Variants in ATG7 observed in about 807,000 individuals in gnomAD.
ATG7 encodes autophagy related 7.
ATG7 carries 70 observed loss-of-function variants against 82.4 expected under a neutral mutation model. The observed-to-expected ratio is 0.85, with a 90% CI of 0.70 to 1.04. ATG7 has a LOEUF of 1.04. Ranked by LOEUF, ATG7 falls within the 50% of genes least tolerant of loss-of-function variation. The pLI is 0.00. For missense variants in ATG7, 792 were observed against 864.3 expected, an observed-to-expected ratio of 0.92 and a Z score of 1.05; for synonymous variants, 287 against 313.0, an observed-to-expected ratio of 0.92 and a Z score of 0.88.
intron 19 of ATG7, among the ~76,000 whole-genome samples, chr3:11,413,330 C>G (rs775854282): frequency 6.6e-6 from 1 of 151,928 alleles, no homozygotes; most frequent in Non-Finnish European, 1.5e-5. Flanking sequence ...TATGTTGAGG[C>G]AGTTTCCTTC....
intron 20 of ATG7, among the ~76,000 whole-genome samples, chr3:11,504,954 C>G (rs1012068426): frequency 6.6e-6 from 1 of 152,072 alleles, no homozygotes; most frequent in Non-Finnish European, 1.5e-5. Context: ...AGAGCCAAAT[C>G]CTCATTTACC....
At chr3:11,533,803 C>CAA (rs1559809050) in intron 20 of ATG7, among the ~76,000 whole-genome samples, 2 of 151,950 alleles carry the variant, frequency 1.3e-5, no homozygotes. Context: ...AAGAGTAAAA[C>CAA]AAAAGAAACT....
At chr3:11,468,090 AGG>A (rs2087021901) in intron 20 of ATG7, among the ~76,000 whole-genome samples, 2 of 152,238 alleles carry the variant, frequency 1.3e-5, no homozygotes, top group Admixed American at 6.5e-5. Flanking sequence ...GAAGGTTGAC[AGG>A]CAGAAGTCTG....
chr3:11,516,200 G>C (rs188931506), intron 20 of ATG7, among the ~76,000 whole-genome samples: 2 of 152,034 alleles, frequency 1.3e-5, no homozygotes, highest in African/African-American at 4.8e-5. Flanking sequence ...CACATGAAAA[G>C]ATGTTCCAAT....
At chr3:11,290,582 T>C in intron 3 of ATG7, 1 of 347,016 alleles carries the variant, frequency 2.9e-6, no homozygotes, top group South Asian at 2.1e-5. Flanking sequence ...GCCAACCTCA[T>C]GAACCAGCCA....
At chr3:11,372,815 T>TGCGTGTGTGTGC (rs1559490050) in intron 18 of ATG7, among the ~76,000 whole-genome samples, 3 of 79,870 alleles carry the variant, frequency 3.8e-5, no homozygotes, top group East Asian at 4.8e-4. Context: ...TGTGTGTGTG[T>TGCGTGTGTGTGC]GCGCGCGTGT....
chr3:11,570,597 A>G, the ATG7 span, among the ~76,000 whole-genome samples: 1 of 152,234 alleles, frequency 6.6e-6, no homozygotes, highest in African/African-American at 2.4e-5. Flanking sequence ...AGGTACACAT[A>G]GTATGTGTGA....
chr3:11,387,411 AAC>A (rs1160271108), intron 19 of ATG7, among the ~76,000 whole-genome samples: 1 of 152,220 alleles, frequency 6.6e-6, no homozygotes, highest in African/African-American at 2.4e-5. Flanking sequence ...TGTGGTCACA[AAC>A]ACATCTAGTT....
chr3:11,303,070 C>T (rs1034487443), intron 5 of ATG7, among the ~76,000 whole-genome samples: 4 of 152,200 alleles, frequency 2.6e-5, no homozygotes, highest in Non-Finnish European at 5.9e-5. Flanking sequence ...TCCCTGAGGA[C>T]TTTGCATTGT....
intron 19 of ATG7, among the ~76,000 whole-genome samples, chr3:11,386,589 T>C (rs536790796): frequency 2.0e-5 from 3 of 152,288 alleles, no homozygotes. Context: ...ATACAGCTTC[T>C]CAGTGGCAAA....
intron 19 of ATG7, among the ~76,000 whole-genome samples, chr3:11,384,645 A>G (rs1055886000): frequency 8.5e-5 from 13 of 152,116 alleles, no homozygotes; most frequent in Admixed American, 4.6e-4. Flanking sequence ...CCTACCTTCT[A>G]TCATGTTTTC....
intron 20 of ATG7, among the ~76,000 whole-genome samples, chr3:11,511,341 T>G (rs182102033): frequency 3.3e-5 from 5 of 152,290 alleles, no homozygotes; most frequent in East Asian, 3.9e-4. Flanking sequence ...GTTCCCATCA[T>G]ATTAGTTAGA....
chr3:11,277,902 C>CCA (rs527263693), intron 1 of ATG7, among the ~76,000 whole-genome samples: 5 of 137,240 alleles, frequency 3.6e-5, no homozygotes, highest in Non-Finnish European at 7.9e-5. Flanking sequence ...CCCCCCCCCC[C>CCA]CCACCAGGAA....
At chr3:11,535,536 C>A (rs2092774545) in intron 20 of ATG7, among the ~76,000 whole-genome samples, 1 of 152,126 alleles carries the variant, frequency 6.6e-6, no homozygotes, top group Non-Finnish European at 1.5e-5. Context: ...GGGACAGTAG[C>A]CCTGCCTGGG....
chr3:11,333,451 T>C (rs1951932694), intron 11 of ATG7, among the ~76,000 whole-genome samples: 1 of 152,236 alleles, frequency 6.6e-6, no homozygotes, highest in Non-Finnish European at 1.5e-5. Flanking sequence ...TTATTTGTTA[T>C]ATACTTAAAG....
chr3:11,366,816 A>T (rs1240201095), intron 18 of ATG7, among the ~76,000 whole-genome samples: 1 of 151,888 alleles, frequency 6.6e-6, no homozygotes, highest in African/African-American at 2.4e-5. Context: ...GGTGTTATTT[A>T]TCCCCATTGA....
intron 9 of ATG7, among the ~76,000 whole-genome samples, chr3:11,331,103 C>T (rs987176466): frequency 6.6e-6 from 1 of 152,158 alleles, no homozygotes; most frequent in African/African-American, 2.4e-5. Context: ...TTCTGCCAGG[C>T]ACAATGCAAG....
chr3:11,534,228 A>G (rs2092746621), intron 20 of ATG7, among the ~76,000 whole-genome samples: 1 of 152,218 alleles, frequency 6.6e-6, no homozygotes, highest in South Asian at 2.1e-4. Flanking sequence ...TAGGAGTGAA[A>G]AGCTCCCAGA....
chr3:11,382,804 T>C (rs970327627), intron 19 of ATG7, among the ~76,000 whole-genome samples: 1 of 152,242 alleles, frequency 6.6e-6, no homozygotes. Flanking sequence ...TCTATTGATA[T>C]AATTTTAAGC....
Sources: allele counts gnomAD v4.1 joint callset (sites outside exome capture counted in the v4.1 genomes callset), GRCh38; gene constraint gnomAD v4.1.1; transcripts MANE v1.5; gene names NCBI Gene and HGNC (gene_info 2026-07-23, HGNC 2026-07-21).